Variants in USP24 observed in about 807,000 individuals in gnomAD.
USP24 encodes the protein ubiquitin specific peptidase 24, also known as ubiquitin carboxyl-terminal hydrolase 24.
USP24 carries 97 observed loss-of-function variants against 361.6 expected under a neutral mutation model. The ratio of observed to expected loss-of-function variants is 0.27; its 90% CI spans 0.23 to 0.32. The LOEUF is 0.32. Ranked by LOEUF, USP24 falls within the 10% of genes least tolerant of loss-of-function variation. The probability of loss-of-function intolerance (pLI) is 1.00; values close to 1 mark genes in which losing one functional copy is unlikely to be tolerated. For synonymous variants in USP24, 1,098 were observed against 1,124.6 expected (o/e 0.98, Z 0.47); for missense variants, 2,353 against 3,165.6 (o/e 0.74, Z 6.16).
chr1:55,115,495 C>CAAAAAGAAA (rs1646085308), intron 38 of USP24, among the ~76,000 whole-genome samples: 1 of 45,828 alleles, frequency 2.2e-5, no homozygotes, highest in African/African-American at 6.8e-5. Context: ...GACTCCGCCT[C>CAAAAAGAAA]AAAAAAAAAA....
intron 38 of USP24, among the ~76,000 whole-genome samples, chr1:55,111,056 C>T (rs1025527748): frequency 2.6e-5 from 4 of 152,034 alleles, no homozygotes; most frequent in Non-Finnish European, 2.9e-5. Context: ...AAAAGAAAAA[C>T]ATACATAAGC....
chr1:55,128,020 A>G (rs1646484780), intron 32 of USP24, among the ~76,000 whole-genome samples: 1 of 152,120 alleles, frequency 6.6e-6, no homozygotes, highest in Non-Finnish European at 1.5e-5. Context: ...CACCCTATCC[A>G]ATCCATACCA....
At chr1:55,206,964 C>T (rs1291331605) in intron 1 of USP24, among the ~76,000 whole-genome samples, 5 of 151,988 alleles carry the variant, frequency 3.3e-5, no homozygotes, top group Non-Finnish European at 5.9e-5. Context: ...CTGAGGAGTT[C>T]GAGACCAGCC....
chr1:55,082,013 T>C (rs970390803), intron 58 of USP24, among the ~76,000 whole-genome samples: 2 of 152,220 alleles, frequency 1.3e-5, no homozygotes, highest in African/African-American at 2.4e-5. Context: ...AAAAGGGATA[T>C]TGTAAATTTC....
Position 55,150,935 on chromosome 1 carries a change from A to G in USP24, c.1861-2365T>C, listed in dbSNP as rs114966343. Among the ~76,000 whole-genome samples, 57 of 152,334 alleles carry G rather than the reference A, an allele frequency of 3.7e-4. 1 individual carries two copies. The highest frequency in any genetic ancestry group is 1.3e-3 in the African/African-American group (55 of 41,578). On this transcript the variant is annotated intron_variant, in intron 16 of 67. Coordinates refer to ENST00000294383, the MANE Select transcript of USP24 (RefSeq NM_015306.3). ...CTAAATTGGACTCAACATTAGATGA[A>G]GCCTTAGAGGTCAGTTGGTTTAGCC...
intron 1 of USP24, among the ~76,000 whole-genome samples, chr1:55,200,866 T>C (rs1398998864): frequency 2.6e-5 from 4 of 152,248 alleles, no homozygotes; most frequent in African/African-American, 9.6e-5. Context: ...GGTTTGTTTC[T>C]TTTAGCATCC....
At position 55,085,987 on chromosome 1, in the gene USP24, G is replaced by A; in HGVS notation, c.6720C>T (p.Thr2240=). ...NVREVRVAVA[T]ILEKTLDSAL... ...CACTGTCTAGGGTTTTCTCCAGAAT[G>A]GTGGCCACAGCAACTCGTACTTCTC... is the stretch of plus-strand genomic sequence containing the variant. Residue 2240 remains threonine (T), a synonymous_variant, in exon 56 of 68, where the codon ACC becomes ACT. Transcript: ENST00000294383. 3 of 1,613,906 alleles carry A rather than the reference G, an allele frequency of 1.9e-6. No individual in the cohort carries two copies. Among genetic ancestry groups the A allele is most frequent in the Non-Finnish European group, 2.5e-6 (3 of 1,179,840 alleles).
intron 1 of USP24, among the ~76,000 whole-genome samples, chr1:55,207,791 G>T (rs1318206183): frequency 6.6e-6 from 1 of 152,116 alleles, no homozygotes; most frequent in Non-Finnish European, 1.5e-5. Flanking sequence ...AAATATTCTT[G>T]ATATAAACTT....
chr1:55,099,451 G>A (rs543514697), intron 45 of USP24, among the ~76,000 whole-genome samples: 32 of 152,120 alleles, frequency 2.1e-4, no homozygotes, highest in East Asian at 1.4e-3. Context: ...CCAGCTACTC[G>A]GGAGGCTGAG....
intron 17 of USP24, 128 bp downstream of exon 17, chr1:55,148,335 G>T: frequency 6.8e-6 from 4 of 584,492 alleles, no homozygotes; most frequent in Non-Finnish European, 1.1e-5. Flanking sequence ...AAGATTATTA[G>T]ATGATATAAG....
intron 8 of USP24, 128 bp from the exon 9 acceptor site, chr1:55,159,813 C>T: frequency 1.3e-6 from 1 of 770,680 alleles, no homozygotes; most frequent in Non-Finnish European, 2.1e-6. Context: ...CATATCAGAG[C>T]AGCTACTAAC....
chr1:55,197,238 C>CT (rs1644443383), intron 1 of USP24, among the ~76,000 whole-genome samples: 1 of 151,630 alleles, frequency 6.6e-6, no homozygotes, highest in Admixed American at 6.6e-5. Context: ...CCTTATCATA[C>CT]CCCCTACCCA....
intron 1 of USP24, among the ~76,000 whole-genome samples, chr1:55,213,121 C>T (rs1185014957): frequency 6.6e-6 from 1 of 152,144 alleles, no homozygotes; most frequent in African/African-American, 2.4e-5. Context: ...TATACAAACA[C>T]CTTCTGAAAA....
At chr1:55,200,138 GAT>G (rs1644532088) in intron 1 of USP24, among the ~76,000 whole-genome samples, 1 of 152,220 alleles carries the variant, frequency 6.6e-6, no homozygotes, top group African/African-American at 2.4e-5. Flanking sequence ...TTCAAGATGA[GAT>G]GTGGGTGGGG....
chr1:55,173,671 G>T (rs1475434366), intron 3 of USP24, among the ~76,000 whole-genome samples: 1 of 152,190 alleles, frequency 6.6e-6, no homozygotes, highest in Admixed American at 6.5e-5. Context: ...TGTAATAGCT[G>T]CAGAGAAAAA....
intron 4 of USP24, 36 bp from the exon 5 acceptor site, chr1:55,171,714 A>C (rs746196577): frequency 4.4e-6 from 7 of 1,576,354 alleles, no homozygotes; most frequent in Non-Finnish European, 6.1e-6. Context: ...ATTATTATCT[A>C]TTTCTATAGC....
Position 55,081,341 on chromosome 1 carries a change from G to A in USP24, c.7059C>T (p.Val2353=). The A allele has an allele frequency of 6.2e-7, 1 of 1,613,588 alleles. No individual in the cohort carries two copies. Among genetic ancestry groups the A allele is most frequent in the Non-Finnish European group, 8.5e-7 (1 of 1,179,626 alleles). ...GCTTACCAACATTCCTTTGGGATGA[G>A]ACATCTGAATGCAAAACAAGTAACG... is the stretch of plus-strand genomic sequence containing the variant. ...TVALLVLHSD[V]SSQRNVAPGI... is the part of the protein sequence containing the mutation. The change falls in exon 59 of 68, where the codon GTC becomes GTT. Residue 2353 remains valine (V), a synonymous_variant. Coordinates refer to ENST00000294383, the MANE Select transcript of USP24 (RefSeq NM_015306.3).
At chr1:55,113,583 A>C (rs1646017579) in intron 38 of USP24, among the ~76,000 whole-genome samples, 1 of 152,226 alleles carries the variant, frequency 6.6e-6, no homozygotes, top group Admixed American at 6.5e-5. Context: ...CAACAAAAAA[A>C]GAAAATTTCG....
chr1:55,183,552 G>T lies in USP24; in HGVS notation c.325-5420C>A, dbSNP rs186930087. The stretch of plus-strand genomic sequence containing the variant: ...ACAAGGGAATTAAAATGATACACCA[G>T]AAAATATGTATTTAATATAAAACAC... On this transcript the variant is annotated intron_variant, in intron 1 of 67. Transcript: ENST00000294383. Among the ~76,000 whole-genome samples the T allele has an allele frequency of 5.9e-5, 9 of 152,224 alleles. No individual in the cohort carries two copies. The East Asian group carries it at 1.7e-3, about 29-fold the overall frequency.
Sources: gnomAD v4.1 joint callset for allele counts (sites outside exome capture counted in the v4.1 genomes callset) on GRCh38, gnomAD v4.1.1 for gene constraint, MANE v1.5 for transcripts, NCBI Gene and HGNC (gene_info 2026-07-23, HGNC 2026-07-21) for gene names.